NXPE2: variants seen among roughly 807,000 people sequenced by gnomAD.
The protein encoded by NXPE2 is NXPE family member 2.
Under a neutral mutation model 34.4 loss-of-function variants are expected in NXPE2, and 34 were observed. That is an observed-to-expected ratio of 0.99 (90% CI 0.75 to 1.31). The LOEUF (loss-of-function observed/expected upper bound fraction) is 1.31, where lower values mean the gene tolerates loss of function less well. Ranked by LOEUF, NXPE2 falls within the 40% of genes most tolerant of loss-of-function variation. NXPE2 has a pLI of 0.00. For synonymous variants in NXPE2, 235 were observed against 231.3 expected (o/e 1.02, Z -0.15); for missense variants, 649 against 672.5 (o/e 0.97, Z 0.39).
the NXPE2 span, among the ~76,000 whole-genome samples, chr11:114,472,429 A>G: frequency 6.6e-6 from 1 of 152,210 alleles, no homozygotes; most frequent in African/African-American, 2.4e-5. Flanking sequence ...ATGTTTTAAG[A>G]AAGTTTACAA....
the NXPE2 span, among the ~76,000 whole-genome samples, chr11:114,667,930 T>G: frequency 6.6e-6 from 1 of 151,708 alleles, no homozygotes; most frequent in Non-Finnish European, 1.5e-5. Context: ...ATTACTAAGT[T>G]ACACAGCAGT....
chr11:114,779,388 G>C, the NXPE2 span, among the ~76,000 whole-genome samples: 1 of 152,158 alleles, frequency 6.6e-6, no homozygotes, highest in African/African-American at 2.4e-5. Flanking sequence ...TATGACTCAG[G>C]TGCACCTGGG....
intron 2 of NXPE2, among the ~76,000 whole-genome samples, chr11:114,691,462 G>T (rs1261139244): frequency 6.6e-6 from 1 of 152,118 alleles, no homozygotes; most frequent in African/African-American, 2.4e-5. Flanking sequence ...CTAGTGTGTG[G>T]TATTTAAGAG....
chr11:114,509,983 C>T, the NXPE2 span, among the ~76,000 whole-genome samples: 4 of 151,808 alleles, frequency 2.6e-5, no homozygotes, highest in African/African-American at 9.7e-5. Context: ...TGTTATAACA[C>T]CATTATAAAG....
At chr11:114,676,333 A>G (rs1950857715), upstream of NXPE2, among the ~76,000 whole-genome samples, 1 of 152,006 alleles carries the variant, frequency 6.6e-6, no homozygotes, top group African/African-American at 2.4e-5. Context: ...ACGAAATGGG[A>G]AAAAACATTT....
the NXPE2 span, among the ~76,000 whole-genome samples, chr11:114,639,737 A>T: frequency 0.44 from 46,467 of 105,408 alleles, 10,306 homozygotes; most frequent in African/African-American, 0.59. Flanking sequence ...TATAATATAA[A>T]ATAATATATA....
At chr11:114,795,536 C>T in the NXPE2 span, among the ~76,000 whole-genome samples, 20 of 152,162 alleles carry the variant, frequency 1.3e-4, no homozygotes, top group South Asian at 2.1e-4. Context: ...CATCTCTCCC[C>T]GTCTGTTTAG....
At chr11:114,672,705 T>C in the NXPE2 span, among the ~76,000 whole-genome samples, 13,996 of 151,924 alleles carry the variant, frequency 0.092, 758 homozygotes, top group Middle Eastern at 0.2. Context: ...AATGTCACCA[T>C]GGATAATGAG....
chr11:114,497,319 G>A, the NXPE2 span, among the ~76,000 whole-genome samples: 1 of 152,186 alleles, frequency 6.6e-6, no homozygotes, highest in African/African-American at 2.4e-5. Flanking sequence ...CGTACAGCAA[G>A]TGCAAATGTT....
the NXPE2 span, among the ~76,000 whole-genome samples, chr11:114,601,725 T>A: frequency 4.2e-5 from 3 of 72,196 alleles, no homozygotes; most frequent in African/African-American, 1.8e-4. Flanking sequence ...ATATTATAAT[T>A]ATATATTATA....
At chr11:114,702,961 C>A (rs1053574901) in intron 3 of NXPE2, among the ~76,000 whole-genome samples, 1 of 152,192 alleles carries the variant, frequency 6.6e-6, no homozygotes, top group Non-Finnish European at 1.5e-5. Flanking sequence ...AAGGGCCTAC[C>A]TTCCCCCAGA....
At chr11:114,522,642 C>T in the NXPE2 span, 24 of 759,402 alleles carry the variant, frequency 3.2e-5, no homozygotes, top group Middle Eastern at 1.1e-3. Flanking sequence ...GGTACAGTAC[C>T]CCCAGTTCAT....
chr11:114,766,686 T>G, the NXPE2 span, among the ~76,000 whole-genome samples: 3 of 152,150 alleles, frequency 2.0e-5, no homozygotes, highest in Admixed American at 2.0e-4. Flanking sequence ...TCCTACCTTC[T>G]CCATGAAAGT....
At chr11:114,773,944 G>T in the NXPE2 span, among the ~76,000 whole-genome samples, 55 of 152,332 alleles carry the variant, frequency 3.6e-4, no homozygotes, top group African/African-American at 1.1e-3. Context: ...TAAGACGGCA[G>T]ATCGCATGAC....
At chr11:114,695,830 A>AACAC (rs67132329) in intron 2 of NXPE2, among the ~76,000 whole-genome samples, 8,203 of 132,560 alleles carry the variant, frequency 0.062, 325 homozygotes, top group Middle Eastern at 0.094. Context: ...GTCTCTACTA[A>AACAC]ACACACACAC....
At chr11:114,596,421 C>T in the NXPE2 span, among the ~76,000 whole-genome samples, 22 of 152,182 alleles carry the variant, frequency 1.4e-4, no homozygotes, top group Non-Finnish European at 2.9e-5. Context: ...TGCTGCCCTA[C>T]ACAGGAGGGC....
At chr11:114,533,317 T>C in the NXPE2 span, among the ~76,000 whole-genome samples, 1 of 152,138 alleles carries the variant, frequency 6.6e-6, no homozygotes, top group Non-Finnish European at 1.5e-5. Flanking sequence ...GGAGCCAAGA[T>C]GGCAGAATAA....
the NXPE2 span, among the ~76,000 whole-genome samples, chr11:114,722,346 C>T: frequency 6.6e-6 from 1 of 152,154 alleles, no homozygotes; most frequent in African/African-American, 2.4e-5. Flanking sequence ...TGCCTGCTTC[C>T]CCTTCCACCA....
the NXPE2 span, among the ~76,000 whole-genome samples, chr11:114,587,451 A>G: frequency 6.6e-6 from 1 of 152,274 alleles, no homozygotes; most frequent in Non-Finnish European, 1.5e-5. Context: ...TGTAACTGTA[A>G]CGAAGTCTCT....
Sources: allele counts gnomAD v4.1 joint callset (sites outside exome capture counted in the v4.1 genomes callset), GRCh38; gene constraint gnomAD v4.1.1; transcripts MANE v1.5; gene names NCBI Gene and HGNC (gene_info 2026-07-23, HGNC 2026-07-21).